The following SS18L1 variants were observed in gnomAD, a reference collection of about 807,000 sequenced individuals.
SS18L1 encodes the protein calcium-responsive transactivator.
A neutral mutation model predicts 70.3 loss-of-function variants in SS18L1; 32 were observed. The observed-to-expected ratio is 0.46, with a 90% CI of 0.34 to 0.61. The LOEUF is 0.61. SS18L1 is among the 20% of genes least tolerant of loss of function. SS18L1 has a pLI of 0.01. For synonymous variants in SS18L1, 237 were observed against 229.7 expected (o/e 1.03, Z -0.29); for missense variants, 430 against 542.1 (o/e 0.79, Z 2.05).
intron 1 of SS18L1, among the ~76,000 whole-genome samples, chr20:62,148,633 T>C (rs1343046512): frequency 1.3e-5 from 2 of 152,206 alleles, no homozygotes; most frequent in African/African-American, 4.8e-5. Context: ...CTTGCTGTCT[T>C]AGGTCAGGTG....
At chr20:62,178,128 CAT>C (rs1418514559) in intron 10 of SS18L1, among the ~76,000 whole-genome samples, 1 of 143,344 alleles carries the variant, frequency 7.0e-6, no homozygotes, top group Non-Finnish European at 1.5e-5. Context: ...TGCGCCACAA[CAT>C]GTGGCTTATT....
chr20:62,171,838 G>A (rs2057536972), intron 8 of SS18L1, among the ~76,000 whole-genome samples: 1 of 151,986 alleles, frequency 6.6e-6, no homozygotes, highest in Admixed American at 6.6e-5. Context: ...GGGCAACATA[G>A]AGAGACCCTG....
Position 62,181,560 on chromosome 20 carries a change from C to T in SS18L1, c.*2352C>T, listed in dbSNP as rs1568775117. ...ACCCCAAAACTTCAATCTGAAATGT[C>T]TTACATTAAGAATATCTTGAATGTT... On this transcript the variant is annotated 3_prime_UTR_variant, in exon 11 of 11. Transcript: ENST00000331758. 1 of 212,636 alleles carries T rather than the reference C, an allele frequency of 4.7e-6. No individual in the cohort carries two copies. Among genetic ancestry groups the T allele is most frequent in the Non-Finnish European group, 9.5e-6 (1 of 105,436 alleles). The allele number at this position is 212,636 out of a possible 1,614,324, so 13.2% of individuals were successfully genotyped here.
At position 62,146,605 on chromosome 20, in the gene SS18L1, A is replaced by ATT. The variant is rs10673768; in HGVS notation, c.69+2736_69+2737dup. On this transcript the variant is annotated intron_variant, in intron 1 of 10. Coordinates refer to ENST00000331758, the MANE Select transcript of SS18L1 (RefSeq NM_198935.3). ...CATCCAGCGTGTCTCTGCTTTGATCATTTTTTTTTTTTTTTTTTTTTGAGA... is the reference window on the plus strand; with the variant it reads ...CATCCAGCGTGTCTCTGCTTTGATCATTTTTTTTTTTTTTTTTTTTTTTGAGA... Among the ~76,000 whole-genome samples the ATT allele has an allele frequency of 9.1e-3, 728 of 79,676 alleles. 66 individuals are homozygous for ATT. Among genetic ancestry groups the ATT allele is most frequent in the African/African-American group, 0.033 (629 of 19,156 alleles). The allele number at this position is 79,676 out of a possible 152,430, so 52.3% of individuals were successfully genotyped here. A position where few individuals can be genotyped will look rare whatever the true frequency, so the allele number is the denominator to read the frequency against.
chr20:62,179,315 C>A lies in SS18L1; in HGVS notation c.*107C>A. On this transcript the variant is annotated 3_prime_UTR_variant, in exon 11 of 11. Coordinates refer to ENST00000331758, the MANE Select transcript of SS18L1 (RefSeq NM_198935.3). ...GTGACATGTTGGTTACCTGTTCGCC[C>A]AGTGCCACGTCTGCATGTGAAGCGT... 7.9e-7 allele frequency: 1 copy of A among 1,268,856 alleles called. No homozygotes were observed. The highest frequency in any genetic ancestry group is 1.1e-6 in the Non-Finnish European group (1 of 872,700). The allele number at this position is 1,268,856 out of a possible 1,614,324, so 78.6% of individuals were successfully genotyped here. A position where few individuals can be genotyped will look rare whatever the true frequency, so the allele number is the denominator to read the frequency against.
intron 1 of SS18L1, among the ~76,000 whole-genome samples, chr20:62,154,687 GTCATGTTTAGGATCTT>G (rs2057191141): frequency 6.6e-6 from 1 of 152,192 alleles, no homozygotes; most frequent in Non-Finnish European, 1.5e-5. Context: ...TTTCTCTCCT[GTCATGTTTAGGATCTT>G]TCTTTGTCCC....
rs1387227298 is a variant in SS18L1, at chr20:62,161,883, G to C, written c.376+303G>C. 6.6e-6 allele frequency among the ~76,000 whole-genome samples: 1 copy of C among 152,230 alleles called. No homozygotes were observed. The highest frequency in any genetic ancestry group is 2.4e-5 in the African/African-American group (1 of 41,458). ...TGTGTAATAGGAATGGAATGCTCCT[G>C]TCTTTGGATTGAGAAGCATGGATAA... On this transcript the variant is annotated intron_variant, in intron 4 of 10. Transcript: ENST00000331758. This position sits in a 1 kb window ranked among gnomAD's most constrained non-coding sequence, Gnocchi z 4.4.
At chr20:62,177,797 C>T (rs1391088985) in intron 10 of SS18L1, among the ~76,000 whole-genome samples, 5 of 149,516 alleles carry the variant, frequency 3.3e-5, no homozygotes, top group Non-Finnish European at 7.4e-5. Context: ...ATCTCGCTCA[C>T]TGCAGCCTCT....
Position 62,158,945 on chromosome 20 carries a change from C to A in SS18L1, c.146+197C>A. The A allele has an allele frequency of 1.3e-6, 2 of 1,582,988 alleles. No homozygotes were observed. Among genetic ancestry groups the A allele is most frequent in the Non-Finnish European group, 1.7e-6 (2 of 1,168,478 alleles). On this transcript the variant is annotated intron_variant, in intron 2 of 10. Coordinates refer to ENST00000331758, the MANE Select transcript of SS18L1 (RefSeq NM_198935.3). This position sits in a 1 kb window ranked among gnomAD's most constrained non-coding sequence, Gnocchi z 4.5. ...CCCAGGAGTCCCCCAGCACGGAGGT[C>A]AGATATGTCCCGAGAGTCCCCCAGC...
chr20:62,143,847 G>C lies in SS18L1; in HGVS notation c.27G>C (p.Arg9=). Reference sequence around the variant, plus strand: ...TGTCCGTGGCCTTCGCGTCTGCCCGGCCAAGAGGCAAAGGGGAGGTTACGC... The same window carrying C: ...TGTCCGTGGCCTTCGCGTCTGCCCGCCCAAGAGGCAAAGGGGAGGTTACGC... MSVAFASA[R]PRGKGEVTQQ... The change falls in exon 1 of 11, where the codon CGG becomes CGC. Residue 9 remains arginine, a synonymous_variant. Coordinates refer to ENST00000331758, the MANE Select transcript of SS18L1 (RefSeq NM_198935.3). The C allele has an allele frequency of 7.5e-7, 1 of 1,324,780 alleles. No homozygotes were observed. The highest frequency in any genetic ancestry group is 1.4e-5 in the South Asian group (1 of 71,302). The allele number at this position is 1,324,780 out of a possible 1,614,324, so 82.1% of individuals were successfully genotyped here. A position where few individuals can be genotyped will look rare whatever the true frequency, so the allele number is the denominator to read the frequency against.
At chr20:62,156,513 AG>A in intron 1 of SS18L1, among the ~76,000 whole-genome samples, 1 of 152,306 alleles carries the variant, frequency 6.6e-6, no homozygotes, top group African/African-American at 2.4e-5. Context: ...GAAAGGGGGA[AG>A]GTATAACTTT....
intron 10 of SS18L1, 114 bp from the exon 11 acceptor site, chr20:62,179,068 A>C: frequency 5.3e-6 from 6 of 1,139,860 alleles, no homozygotes; most frequent in Non-Finnish European, 7.9e-6. Flanking sequence ...AGATGTGAGC[A>C]GAGGTTGTTT....
rs201048669 is a variant in SS18L1, at chr20:62,164,111, G to A, written c.722-34G>A. On this transcript the variant is annotated intron_variant, in intron 6 of 10. Coordinates refer to ENST00000331758, the MANE Select transcript of SS18L1 (RefSeq NM_198935.3). ...AGGTCCTCTGAGGGAGGAGGGCGCG[G>A]CCCGCACTGGCGCTGAATGTGGTTC... The A allele has an allele frequency of 2.1e-5, 33 of 1,538,880 alleles. No homozygotes were observed. In the East Asian group the frequency reaches 6.4e-4, roughly 30 times the overall value.
intron 8 of SS18L1, among the ~76,000 whole-genome samples, chr20:62,166,395 C>G (rs1025645788): frequency 6.6e-6 from 1 of 152,186 alleles, no homozygotes; most frequent in African/African-American, 2.4e-5. Context: ...AGCAGGCAGG[C>G]ACTAAACGGC....
rs1169052847 is a variant in SS18L1 at position 62,161,083 on chromosome 20, G to T, written c.232-353G>T. On this transcript the variant is annotated intron_variant, in intron 3 of 10. Coordinates refer to ENST00000331758, the MANE Select transcript of SS18L1 (RefSeq NM_198935.3). The surrounding 1 kb of genome is among the most constrained non-coding windows in gnomAD (Gnocchi z 4.4). The stretch of plus-strand genomic sequence containing the variant: ...GGTCGTGGTTGGGGAGCACAGAGGC[G>T]CTGGTCACCTGCGCCCGAGGGGGAC... 6.6e-6 allele frequency among the ~76,000 whole-genome samples: 1 copy of T among 151,850 alleles called. No individual in the cohort carries two copies. Among genetic ancestry groups the T allele is most frequent in the Admixed American group, 6.6e-5 (1 of 15,244 alleles).
In SS18L1 at chr20:62,164,192, T is replaced by TACAGCC. The variant is rs1449953734; in HGVS notation, c.777_782dup (p.His259_Ser260dup). 4 of 1,550,092 alleles carry TACAGCC rather than the reference T, an allele frequency of 2.6e-6. No individual in the cohort carries two copies. In the East Asian group the frequency reaches 9.8e-5, roughly 38 times the overall value. Reference sequence around the variant, plus strand: ...CCAGGAGGAGTACTATGGCGAGCAGTACAGCCACAGCCAGGGCGCCGCGGA... The same window carrying TACAGCC: ...CCAGGAGGAGTACTATGGCGAGCAGTACAGCCACAGCCACAGCCAGGGCGCCGCGGA... On this transcript the variant is annotated inframe_insertion, in exon 7 of 11. Coordinates refer to ENST00000331758, the MANE Select transcript of SS18L1 (RefSeq NM_198935.3).
At chr20:62,145,478 C>T (rs1308705021) in intron 1 of SS18L1, among the ~76,000 whole-genome samples, 9 of 152,212 alleles carry the variant, frequency 5.9e-5, no homozygotes, top group Admixed American at 5.9e-4. Context: ...CAGAGCATCT[C>T]CTGGCACTCT....
At chr20:62,170,644 C>T (rs529992586) in intron 8 of SS18L1, among the ~76,000 whole-genome samples, 71 of 152,374 alleles carry the variant, frequency 4.7e-4, no homozygotes, top group African/African-American at 1.7e-3. Context: ...CATCTGAAAA[C>T]GGCAAAGGCC....
intron 1 of SS18L1, among the ~76,000 whole-genome samples, chr20:62,152,846 C>T (rs576709749): frequency 1.3e-5 from 2 of 152,274 alleles, no homozygotes; most frequent in South Asian, 2.1e-4. Flanking sequence ...CGACAACCTC[C>T]AGAGTGGGGG....
Sources: allele counts gnomAD v4.1 joint callset (sites outside exome capture counted in the v4.1 genomes callset), GRCh38; gene constraint gnomAD v4.1.1; non-coding constraint Gnocchi (gnomAD v3.1); transcripts MANE v1.5; gene names NCBI Gene and HGNC (gene_info 2026-07-23, HGNC 2026-07-21).